MYOZ3: variants seen among roughly 807,000 people sequenced by gnomAD.
MYOZ3 encodes myozenin-3.
In MYOZ3, 19 loss-of-function variants were observed where a neutral mutation model predicts 26.5. The observed-to-expected ratio is 0.72, with a 90% CI of 0.50 to 1.05. The LOEUF is 1.05. Among genes scored for constraint, MYOZ3 ranks in the 50% least tolerant of loss-of-function variants. The pLI, the probability that MYOZ3 is intolerant of heterozygous loss-of-function variation, is 0.00. For missense variants in MYOZ3, 322 were observed against 337.1 expected (o/e 0.96, Z 0.35); for synonymous variants, 135 against 138.8 (o/e 0.97, Z 0.19).
intron 3 of MYOZ3, 150 bp downstream of exon 3, chr5:150,670,788 A>G: frequency 1.6e-6 from 1 of 627,274 alleles, no homozygotes; most frequent in South Asian, 2.4e-5. Flanking sequence ...GAAAAGTGTT[A>G]TCTTTTTAGG....
chr5:150,663,100 C>A, intron 2 of MYOZ3, 98 bp downstream of exon 2: 2 of 1,006,138 alleles, frequency 2.0e-6, no homozygotes, highest in Non-Finnish European at 1.5e-6. Flanking sequence ...CCTGGGCAGA[C>A]AGGTGTGAGC....
In MYOZ3 at chr5:150,669,428, C is replaced by T. The variant is rs975974204; in HGVS notation, c.62-1056C>T. 2.1e-5 allele frequency among the ~76,000 whole-genome samples: 3 copies of T among 145,824 alleles called. No individual in the cohort carries two copies. In the Admixed American group the frequency reaches 2.1e-4, roughly 10 times the overall value. On this transcript the variant is annotated intron_variant, in intron 2 of 6. Coordinates refer to ENST00000517768, the MANE Select transcript of MYOZ3 (RefSeq NM_001122853.3). Reference sequence around the variant, plus strand: ...TGCCATTGCACTCCAGCCTGGGTGACATCTCAAAAAAAAAAAAATTACAAA... The same window carrying T: ...TGCCATTGCACTCCAGCCTGGGTGATATCTCAAAAAAAAAAAAATTACAAA...
chr5:150,661,001 A>G (rs537794316), upstream of MYOZ3: 46 of 152,440 alleles, frequency 3.0e-4, no homozygotes, highest in African/African-American at 1.1e-3. Flanking sequence ...CTGAGTTCCT[A>G]TCAAGCACCA....
At chr5:150,661,128 A>C (rs1392015452), upstream of MYOZ3, 1 of 152,400 alleles carries the variant, frequency 6.6e-6, no homozygotes, top group East Asian at 1.9e-4. Flanking sequence ...CGTGGGTGCA[A>C]GCCCTCTGTC....
At chr5:150,665,348 T>C (rs569474948) in intron 2 of MYOZ3, among the ~76,000 whole-genome samples, 1 of 152,322 alleles carries the variant, frequency 6.6e-6, no homozygotes, top group South Asian at 2.1e-4. Context: ...TCATCCCACC[T>C]GAGGCAAGGG....
intron 6 of MYOZ3, among the ~76,000 whole-genome samples, chr5:150,675,951 C>G (rs771361753): frequency 2.0e-5 from 3 of 152,200 alleles, no homozygotes; most frequent in Non-Finnish European, 4.4e-5. Flanking sequence ...ACTTTTCCCC[C>G]GCCATCTCAC....
Position 150,671,868 on chromosome 5 carries a change from C to G in MYOZ3, c.384C>G (p.Ala128=), listed in dbSNP as rs111772094. Residue 128 remains alanine, a synonymous_variant, in exon 5 of 7, where the codon GCC becomes GCG. Transcript: ENST00000517768. The part of the protein sequence containing the change: ...GGPEGAHPAA[A]PAGCVPSPSA... Reference sequence around the variant, plus strand: ...CCGAGGGCGCCCACCCTGCAGCCGCCCCTGCTGGGTGCGTCCCCAGCCCCA... The same window carrying G: ...CCGAGGGCGCCCACCCTGCAGCCGCGCCTGCTGGGTGCGTCCCCAGCCCCA... The G allele has an allele frequency of 1.9e-6, 3 of 1,593,102 alleles. No individual in the cohort carries two copies. The highest frequency in any genetic ancestry group is 1.7e-6 in the Non-Finnish European group (2 of 1,172,782).
intron 1 of MYOZ3, among the ~76,000 whole-genome samples, chr5:150,661,692 A>G (rs1758734477): frequency 6.6e-6 from 1 of 152,216 alleles, no homozygotes; most frequent in African/African-American, 2.4e-5. Context: ...TTTAGGCAGT[A>G]GAGGGAAGCA....
Position 150,678,982 on chromosome 5 carries a change from A to C in MYOZ3, c.*2107A>C, listed in dbSNP as rs958128079. ...CCAGCCCATTCCCAGGGTGTGTGGG[A>C]TAGCGATTGCATTTTCCTTTTGCTC... On this transcript the variant is annotated 3_prime_UTR_variant, in exon 7 of 7. Transcript: ENST00000517768. The C allele has an allele frequency of 3.3e-5, 5 of 152,498 alleles. No individual in the cohort carries two copies. The highest frequency in any genetic ancestry group is 1.2e-4 in the African/African-American group (5 of 41,560). 9.4% of individuals were successfully genotyped at this position (152,498 alleles called of 1,614,324 possible).
intron 6 of MYOZ3, among the ~76,000 whole-genome samples, chr5:150,673,682 G>A (rs558148976): frequency 6.6e-5 from 10 of 152,256 alleles, no homozygotes; most frequent in Admixed American, 3.9e-4. Flanking sequence ...TTTGGACAGG[G>A]GAGAGCTTGA....
intron 6 of MYOZ3, among the ~76,000 whole-genome samples, chr5:150,676,046 CCT>C (rs1350317511): frequency 3.9e-5 from 6 of 152,180 alleles, no homozygotes; most frequent in African/African-American, 1.4e-4. Context: ...GCATTTCCCC[CCT>C]GATTTTCAGT....
At position 150,672,004 on chromosome 5, in the gene MYOZ3, C is replaced by T. The variant is rs1361514514; in HGVS notation, c.424+96C>T. 2.1e-6 allele frequency: 3 copies of T among 1,427,672 alleles called. No individual in the cohort carries two copies. In the African/African-American group the frequency reaches 4.3e-5, roughly 20 times the overall value. The allele number at this position is 1,427,672 out of a possible 1,614,324, so 88.4% of individuals were successfully genotyped here. On this transcript the variant is annotated intron_variant, in intron 5 of 6. Coordinates refer to ENST00000517768, the MANE Select transcript of MYOZ3 (RefSeq NM_001122853.3). ...AGGAAGAGCACCCAGAAGGCTAGTCCGCCCCCTTCCCCAACACACACGCGC... is the reference window on the plus strand; with the variant it reads ...AGGAAGAGCACCCAGAAGGCTAGTCTGCCCCCTTCCCCAACACACACGCGC...
chr5:150,675,914 T>C (rs985736084), intron 6 of MYOZ3, among the ~76,000 whole-genome samples: 1 of 152,238 alleles, frequency 6.6e-6, no homozygotes, highest in Admixed American at 6.5e-5. Context: ...AGCACTGGCT[T>C]ACCCTCTAAC....
At chr5:150,670,287 A>C in intron 2 of MYOZ3, 197 bp from the exon 3 acceptor site, 1 of 505,940 alleles carries the variant, frequency 2.0e-6, no homozygotes, top group Non-Finnish European at 3.3e-6. Flanking sequence ...TGAGCAACAA[A>C]CACATGCAAA....
intron 2 of MYOZ3, among the ~76,000 whole-genome samples, chr5:150,663,763 G>A (rs1265840784): frequency 6.6e-6 from 1 of 152,028 alleles, no homozygotes; most frequent in African/African-American, 2.4e-5. Context: ...GGGAGGCTGA[G>A]GTGGAAGAAT....
intron 1 of MYOZ3, 120 bp from the exon 2 acceptor site, chr5:150,662,821 T>C (rs1049826280): frequency 1.6e-5 from 13 of 817,526 alleles, no homozygotes; most frequent in Admixed American, 2.5e-5. Context: ...ATCCCTTGCT[T>C]GTGATTTGGG....
In MYOZ3 at chr5:150,678,721, G is replaced by A. The variant is rs1327286610; in HGVS notation, c.*1846G>A. ...AGGACAAGTATAAAACCTCCTTTATGGGTTTGTTGTGAACACAGTGCAGGG... is the reference window on the plus strand; with the variant it reads ...AGGACAAGTATAAAACCTCCTTTATAGGTTTGTTGTGAACACAGTGCAGGG... On this transcript the variant is annotated 3_prime_UTR_variant, in exon 7 of 7. Transcript: ENST00000517768. 1 of 152,238 alleles carries A rather than the reference G, an allele frequency of 6.6e-6. No homozygotes were observed. The highest frequency in any genetic ancestry group is 2.4e-5 in the African/African-American group (1 of 41,444). 9.4% of individuals were successfully genotyped at this position (152,238 alleles called of 1,614,324 possible).
chr5:150,672,523 C>T, intron 6 of MYOZ3, 21 bp downstream of exon 6: 2 of 1,510,210 alleles, frequency 1.3e-6, no homozygotes, highest in Non-Finnish European at 1.8e-6. Context: ...GCGGGCAGCC[C>T]GGGGGACAGA....
In MYOZ3 at chr5:150,678,835, T is replaced by C. The variant is rs1759059706; in HGVS notation, c.*1960T>C. The stretch of plus-strand genomic sequence containing the variant: ...AGTTGTTCTTGCACTGGATGCAGCA[T>C]GAGAAGCTGGCTGCTAAGATGTCAC... On this transcript the variant is annotated 3_prime_UTR_variant, in exon 7 of 7. Transcript: ENST00000517768. 6.6e-6 allele frequency: 1 copy of C among 152,386 alleles called. No homozygotes were observed. Among genetic ancestry groups the C allele is most frequent in the Admixed American group, 6.5e-5 (1 of 15,290 alleles). 9.4% of individuals were successfully genotyped at this position (152,386 alleles called of 1,614,324 possible). A position where few individuals can be genotyped will look rare whatever the true frequency, so the allele number is the denominator to read the frequency against.
Sources: gnomAD v4.1 joint callset for allele counts (sites outside exome capture counted in the v4.1 genomes callset) on GRCh38, gnomAD v4.1.1 for gene constraint, MANE v1.5 for transcripts, NCBI Gene and HGNC (gene_info 2026-07-23, HGNC 2026-07-21) for gene names.